The following NEGR1 variants were observed in gnomAD, a reference collection of about 807,000 sequenced individuals.
NEGR1 encodes the protein IgLON family member 4.
A neutral mutation model predicts 40.9 loss-of-function variants in NEGR1; 10 were observed. The ratio of observed to expected loss-of-function variants is 0.24; its 90% CI spans 0.15 to 0.42. NEGR1 has a LOEUF of 0.42. Among genes scored for constraint, NEGR1 ranks in the 10% least tolerant of loss-of-function variants. NEGR1 has a pLI of 1.00. For missense variants in NEGR1, 352 were observed against 438.9 expected (o/e 0.80, Z 1.77); for synonymous variants, 185 against 166.8 (o/e 1.11, Z -0.84).
chr1:72,067,153 C>T (rs1557509694), intron 1 of NEGR1, among the ~76,000 whole-genome samples: 1 of 151,994 alleles, frequency 6.6e-6, no homozygotes. Flanking sequence ...TGGAAAAGAT[C>T]GATTTGATTT....
chr1:71,866,754 T>C (rs543978718), intron 2 of NEGR1, among the ~76,000 whole-genome samples: 4 of 152,334 alleles, frequency 2.6e-5, no homozygotes, highest in Admixed American at 2.0e-4. Context: ...AAACCTAGCA[T>C]ATCTTAACAG....
intron 2 of NEGR1, among the ~76,000 whole-genome samples, chr1:71,907,954 G>A (rs901344532): frequency 6.6e-6 from 1 of 151,996 alleles, no homozygotes; most frequent in Non-Finnish European, 1.5e-5. Flanking sequence ...TAAATATTTG[G>A]CACTCATGGA....
At chr1:72,223,587 T>C (rs1654080834) in intron 1 of NEGR1, among the ~76,000 whole-genome samples, 1 of 152,160 alleles carries the variant, frequency 6.6e-6, no homozygotes, top group African/African-American at 2.4e-5. Context: ...TATTTTATAT[T>C]GTCTCTCCTT....
intron 1 of NEGR1, among the ~76,000 whole-genome samples, chr1:71,981,123 T>A (rs1646350925): frequency 6.6e-6 from 1 of 152,160 alleles, no homozygotes; most frequent in Non-Finnish European, 1.5e-5. Context: ...AGAATGACAA[T>A]GTTCCCTAAA....
chr1:72,257,204 C>T (rs1006692297), intron 1 of NEGR1, among the ~76,000 whole-genome samples: 2 of 150,368 alleles, frequency 1.3e-5, no homozygotes, highest in African/African-American at 2.4e-5. Flanking sequence ...CGCCTGTAGT[C>T]CCAGCTACTT....
intron 1 of NEGR1, among the ~76,000 whole-genome samples, chr1:71,956,922 G>GA (rs1646124253): frequency 6.6e-6 from 1 of 152,080 alleles, no homozygotes; most frequent in African/African-American, 2.4e-5. Flanking sequence ...GGGTTTCCAT[G>GA]AAACTACTTC....
intron 1 of NEGR1, among the ~76,000 whole-genome samples, chr1:72,148,293 C>A (rs747494519): frequency 6.6e-6 from 1 of 152,170 alleles, no homozygotes; most frequent in African/African-American, 2.4e-5. Flanking sequence ...CTCAACACCA[C>A]ATAGAAGCTG....
At chr1:71,766,264 A>AC (rs1200913942) in intron 3 of NEGR1, among the ~76,000 whole-genome samples, 1 of 152,136 alleles carries the variant, frequency 6.6e-6, no homozygotes, top group African/African-American at 2.4e-5. Flanking sequence ...ATGTAAGAAA[A>AC]AGATAATATT....
chr1:71,707,582 C>A (rs1341691124), intron 3 of NEGR1, among the ~76,000 whole-genome samples: 1 of 152,134 alleles, frequency 6.6e-6, no homozygotes, highest in Non-Finnish European at 1.5e-5. Flanking sequence ...CTTCACCATC[C>A]TGAAAGAAAG....
intron 1 of NEGR1, among the ~76,000 whole-genome samples, chr1:72,150,830 A>C (rs565414747): frequency 6.6e-6 from 1 of 152,202 alleles, no homozygotes; most frequent in African/African-American, 2.4e-5. Context: ...TATTTTTTGC[A>C]ATGTCATTCT....
intron 2 of NEGR1, among the ~76,000 whole-genome samples, chr1:71,875,698 A>T (rs1013650793): frequency 4.6e-5 from 7 of 152,178 alleles, no homozygotes; most frequent in African/African-American, 1.7e-4. Context: ...TTTAGATCCT[A>T]GAGACTGAAA....
At chr1:71,834,853 C>T (rs1393599472) in intron 2 of NEGR1, among the ~76,000 whole-genome samples, 1 of 122,508 alleles carries the variant, frequency 8.2e-6, no homozygotes. Context: ...GTAATAATGC[C>T]TGCCAAACAC....
intron 1 of NEGR1, among the ~76,000 whole-genome samples, chr1:72,105,164 T>C (rs1178999917): frequency 6.6e-6 from 1 of 152,106 alleles, no homozygotes; most frequent in African/African-American, 2.4e-5. Context: ...CTATTCTCTA[T>C]ACTACAGCCA....
chr1:71,888,496 G>C (rs1194402618), intron 2 of NEGR1, among the ~76,000 whole-genome samples: 1 of 151,838 alleles, frequency 6.6e-6, no homozygotes, highest in African/African-American at 2.4e-5. Context: ...CCCGAATATT[G>C]CGATTTTCAG....
chr1:71,408,265 C>A (rs1473410033), intron 6 of NEGR1, among the ~76,000 whole-genome samples: 1 of 151,992 alleles, frequency 6.6e-6, no homozygotes. Context: ...TTTAGTCTTG[C>A]TGGACCATGA....
chr1:71,963,663 T>C (rs1646187010), intron 1 of NEGR1, among the ~76,000 whole-genome samples: 1 of 152,088 alleles, frequency 6.6e-6, no homozygotes, highest in Admixed American at 6.6e-5. Context: ...ACAGAGAGAG[T>C]GTGAAAGAGA....
intron 3 of NEGR1, among the ~76,000 whole-genome samples, chr1:71,727,084 T>TG (rs1432224033): frequency 6.6e-6 from 1 of 152,066 alleles, no homozygotes; most frequent in Admixed American, 6.6e-5. Flanking sequence ...TTCTGCCCCT[T>TG]ATCAATAATC....
chr1:71,434,609 A>G (rs909454026), intron 6 of NEGR1, among the ~76,000 whole-genome samples: 4 of 152,206 alleles, frequency 2.6e-5, no homozygotes, highest in Non-Finnish European at 5.9e-5. Context: ...CTTGAATAAC[A>G]CCATTGGAGT....
intron 1 of NEGR1, among the ~76,000 whole-genome samples, chr1:72,154,767 T>C (rs550787879): frequency 5.9e-5 from 9 of 152,154 alleles, no homozygotes; most frequent in African/African-American, 1.9e-4. Flanking sequence ...CTGAGCCTTG[T>C]TGCTTTGGAA....
Sources: allele counts gnomAD v4.1 joint callset (sites outside exome capture counted in the v4.1 genomes callset), GRCh38; gene constraint gnomAD v4.1.1; transcripts MANE v1.5; gene names NCBI Gene and HGNC (gene_info 2026-07-23, HGNC 2026-07-21).